The following TTLL9 variants were observed in gnomAD, a reference collection of about 807,000 sequenced individuals.
TTLL9 encodes the protein tubulin tyrosine ligase like 9, also known as probable tubulin polyglutamylase TTLL9.
A neutral mutation model predicts 65.6 loss-of-function variants in TTLL9; 47 were observed. That is an observed-to-expected ratio of 0.72 (90% CI 0.57 to 0.91). The LOEUF (loss-of-function observed/expected upper bound fraction) is 0.91. Ranked by LOEUF, TTLL9 falls within the 40% of genes least tolerant of loss-of-function variation. TTLL9 has a pLI of 0.00. For missense variants in TTLL9, 537 were observed against 568.8 expected (o/e 0.94, Z 0.57); for synonymous variants, 179 against 204.8 (o/e 0.87, Z 1.07).
At chr20:31,900,624 T>G (rs949922118) in intron 4 of TTLL9, among the ~76,000 whole-genome samples, 1 of 152,140 alleles carries the variant, frequency 6.6e-6, no homozygotes, top group Admixed American at 6.5e-5. Flanking sequence ...ATGTTGAGGA[T>G]GTGGTGATGG....
At chr20:31,887,309 CCT>C in intron 3 of TTLL9, 70 bp downstream of exon 3, 1 of 1,496,218 alleles carries the variant, frequency 6.7e-7, no homozygotes, top group Non-Finnish European at 9.3e-7. Flanking sequence ...CTTTTCAATC[CCT>C]CTCTCCCTTT....
intron 6 of TTLL9, among the ~76,000 whole-genome samples, chr20:31,918,912 C>T (rs2063775874): frequency 6.6e-6 from 1 of 152,160 alleles, no homozygotes; most frequent in African/African-American, 2.4e-5. Flanking sequence ...GCAGGCAGAG[C>T]AGGGGCTCTT....
chr20:31,873,375 G>T (rs905903999), intron 2 of TTLL9, among the ~76,000 whole-genome samples: 18 of 152,158 alleles, frequency 1.2e-4, no homozygotes, highest in Admixed American at 1.2e-3. Flanking sequence ...GATGCTGGGC[G>T]TGGTGGCTCA....
chr20:31,877,132 TGTAA>T (rs1470776308), intron 2 of TTLL9, among the ~76,000 whole-genome samples: 2 of 152,170 alleles, frequency 1.3e-5, no homozygotes, highest in African/African-American at 4.8e-5. Flanking sequence ...TTATATATGT[TGTAA>T]GTGTTTCCTC....
chr20:31,908,601 T>A lies in TTLL9; in HGVS notation c.217T>A (p.Trp73Arg). ...GWVEVKDEGEWDFYWCDVSWL... is the reference protein window; with the variant it reads ...GWVEVKDEGERDFYWCDVSWL... ...CCACCCCACCCCCAGCGAAGGGGAGTGGGATTTCTACTGGTGTGACGTCAG... is the reference window on the plus strand; with the variant it reads ...CCACCCCACCCCCAGCGAAGGGGAGAGGGATTTCTACTGGTGTGACGTCAG... The change falls in exon 5 of 15, where the codon TGG becomes AGG. Residue 73 changes from tryptophan to arginine, a missense_variant. Coordinates refer to ENST00000535842, the MANE Select transcript of TTLL9 (RefSeq NM_001008409.5). The A allele has an allele frequency of 6.5e-7, 1 of 1,542,872 alleles. No individual in the cohort carries two copies. Among genetic ancestry groups the A allele is most frequent in the Non-Finnish European group, 8.9e-7 (1 of 1,126,270 alleles).
At chr20:31,879,248 G>A (rs1162428883) in intron 2 of TTLL9, among the ~76,000 whole-genome samples, 1 of 152,326 alleles carries the variant, frequency 6.6e-6, no homozygotes, top group Non-Finnish European at 1.5e-5. Flanking sequence ...TTGAGCCCAG[G>A]AGGCAGAGGC....
intron 14 of TTLL9, chr20:31,941,287 C>T (rs1039731365): frequency 6.6e-6 from 1 of 151,350 alleles, no homozygotes; most frequent in South Asian, 2.1e-4. Flanking sequence ...AGCAAAGTCA[C>T]CTTGCACAGA....
rs1212854639 is a variant in TTLL9, at chr20:31,943,819, T to C, written c.*798T>C. 1 of 456,732 alleles carries C rather than the reference T, an allele frequency of 2.2e-6. No homozygotes were observed. The highest frequency in any genetic ancestry group is 2.3e-5 in the Admixed American group (1 of 42,586). 28.3% of individuals were successfully genotyped at this position (456,732 alleles called of 1,614,324 possible). On this transcript the variant is annotated 3_prime_UTR_variant, in exon 15 of 15. Transcript: ENST00000535842. Reference sequence around the variant, plus strand: ...CAGAAACCGGAAAACCCTGGGCTCATGGGCAGGACAGCTTCGGGAGTTGAG... The same window carrying C: ...CAGAAACCGGAAAACCCTGGGCTCACGGGCAGGACAGCTTCGGGAGTTGAG...
chr20:31,905,083 T>G (rs1347514817), intron 4 of TTLL9, among the ~76,000 whole-genome samples: 1 of 152,114 alleles, frequency 6.6e-6, no homozygotes, highest in Non-Finnish European at 1.5e-5. Flanking sequence ...CCATTTCTTT[T>G]TTTTTGAGAT....
chr20:31,873,821 G>GAAGGAAGGAAGA (rs1568723275), intron 2 of TTLL9, among the ~76,000 whole-genome samples: 3 of 96,072 alleles, frequency 3.1e-5, no homozygotes, highest in Non-Finnish European at 4.4e-5. Flanking sequence ...AGGAAGGAAG[G>GAAGGAAGGAAGA]AAGAAAGAAA....
Position 31,934,683 on chromosome 20 carries a change from G to A in TTLL9, c.808-9G>A, listed in dbSNP as rs1277834148. The A allele has an allele frequency of 1.1e-5, 17 of 1,604,298 alleles. No homozygotes were observed. Among genetic ancestry groups the A allele is most frequent in the African/African-American group, 4.0e-5 (3 of 74,746 alleles). On this transcript the variant is annotated splice_polypyrimidine_tract_variant and intron_variant, in intron 11 of 14. Transcript: ENST00000535842. ...GGCTCCTCTCTCGACCCGGCTGCCC[G>A]GGGCCCAGGGCTGCAAGTGGACGCT... is the stretch of plus-strand genomic sequence containing the variant.
intron 11 of TTLL9, 27 bp from the exon 12 acceptor site, chr20:31,934,665 C>T (rs775605649): frequency 1.9e-6 from 3 of 1,589,820 alleles, no homozygotes; most frequent in South Asian, 2.3e-5. Flanking sequence ...TGAGGCTCCT[C>T]TCTCGACCCG....
Position 31,893,297 on chromosome 20 carries a change from T to C in TTLL9, c.114-5176T>C, listed in dbSNP as rs368271764. On this transcript the variant is annotated intron_variant, in intron 3 of 14. Coordinates refer to ENST00000535842, the MANE Select transcript of TTLL9 (RefSeq NM_001008409.5). Reference sequence around the variant, plus strand: ...GAAGTCAGCTGTTCTTTTTCTTTTTTTTTTTTTTTTTGAGACAGAGTCTTG... The same window carrying C: ...GAAGTCAGCTGTTCTTTTTCTTTTTCTTTTTTTTTTTGAGACAGAGTCTTG... Among the ~76,000 whole-genome samples, 12 of 150,486 alleles carry C rather than the reference T, an allele frequency of 8.0e-5. 1 individual carries two copies. In the East Asian group the frequency reaches 1.4e-3, roughly 17 times the overall value.
chr20:31,942,097 T>G (rs2064220137), intron 14 of TTLL9, among the ~76,000 whole-genome samples: 1 of 152,106 alleles, frequency 6.6e-6, no homozygotes, highest in South Asian at 2.1e-4. Flanking sequence ...CTCAGCTCAG[T>G]GAATGGCTGA....
intron 10 of TTLL9, among the ~76,000 whole-genome samples, chr20:31,932,911 G>A (rs1344007430): frequency 1.3e-5 from 2 of 152,108 alleles, no homozygotes; most frequent in Admixed American, 6.5e-5. Flanking sequence ...GAAGAGAATC[G>A]CTTGAGCTCG....
At chr20:31,915,496 A>G (rs1202248512) in intron 6 of TTLL9, among the ~76,000 whole-genome samples, 1 of 152,118 alleles carries the variant, frequency 6.6e-6, no homozygotes, top group Non-Finnish European at 1.5e-5. Context: ...AAAAAAGCAT[A>G]ATATAAAAAT....
At chr20:31,918,268 G>A (rs2063767390) in intron 6 of TTLL9, among the ~76,000 whole-genome samples, 1 of 152,150 alleles carries the variant, frequency 6.6e-6, no homozygotes, top group African/African-American at 2.4e-5. Flanking sequence ...GGAACTTAAA[G>A]TGGCAGTGTT....
intron 2 of TTLL9, among the ~76,000 whole-genome samples, chr20:31,885,916 G>A (rs373870486): frequency 6.6e-6 from 1 of 152,262 alleles, no homozygotes; most frequent in African/African-American, 2.4e-5. Flanking sequence ...AAATTTGCAT[G>A]TTGTGAAGTG....
chr20:31,874,781 T>C (rs954217586), intron 2 of TTLL9, among the ~76,000 whole-genome samples: 5 of 152,084 alleles, frequency 3.3e-5, no homozygotes, highest in African/African-American at 1.2e-4. Context: ...GTGTCATTAT[T>C]AGTGAAAGAG....
Sources: allele counts gnomAD v4.1 joint callset (sites outside exome capture counted in the v4.1 genomes callset), GRCh38; gene constraint gnomAD v4.1.1; transcripts MANE v1.5; gene names NCBI Gene and HGNC (gene_info 2026-07-23, HGNC 2026-07-21).